The following BECN1 variants were observed in gnomAD, a reference collection of about 807,000 sequenced individuals.
BECN1 encodes beclin-1.
In BECN1, 15 loss-of-function variants were observed where a neutral mutation model predicts 60.1. The ratio of observed to expected loss-of-function variants is 0.25; its 90% CI spans 0.17 to 0.38. BECN1 has a LOEUF of 0.38. Among genes scored for constraint, BECN1 ranks in the 10% least tolerant of loss-of-function variants. The pLI, the probability that BECN1 is intolerant of heterozygous loss-of-function variation, is 1.00. For missense variants in BECN1, 424 were observed against 548.2 expected (o/e 0.77, Z 2.26); for synonymous variants, 179 against 201.8 (o/e 0.89, Z 0.96).
chr17:42,814,168 TTTTG>T (rs1379983376), intron 9 of BECN1, 160 bp from the exon 10 acceptor site: 13 of 554,782 alleles, frequency 2.3e-5, no homozygotes, highest in Non-Finnish European at 4.1e-5. Context: ...GTTTAAAAGA[TTTTG>T]TTTAATGAAC....
intron 8 of BECN1, chr17:42,815,060 A>G (rs759578025): frequency 1.3e-4 from 26 of 201,698 alleles, no homozygotes; most frequent in Non-Finnish European, 2.5e-4. Context: ...GTCATTCCCC[A>G]TGGTGCAGGA....
At chr17:42,817,837 C>T (rs1460316991) in intron 7 of BECN1, among the ~76,000 whole-genome samples, 1 of 152,122 alleles carries the variant, frequency 6.6e-6, no homozygotes, top group Non-Finnish European at 1.5e-5. Flanking sequence ...ATATGAACGA[C>T]CATACCTGGC....
At chr17:42,811,434 C>G (rs769718804) in intron 11 of BECN1, 38 of 469,062 alleles carry the variant, frequency 8.1e-5, no homozygotes, top group Non-Finnish European at 1.3e-4. Context: ...AGAAAACCCC[C>G]TAAACCATCT....
At chr17:42,822,241 A>G (rs929362873) in intron 2 of BECN1, among the ~76,000 whole-genome samples, 1 of 152,210 alleles carries the variant, frequency 6.6e-6, no homozygotes, top group Non-Finnish European at 1.5e-5. Context: ...TCCCCTCAAG[A>G]AAGAGAAACC....
At chr17:42,821,394 C>T (rs1440680274) in intron 2 of BECN1, among the ~76,000 whole-genome samples, 1 of 152,130 alleles carries the variant, frequency 6.6e-6, no homozygotes, top group African/African-American at 2.4e-5. Context: ...GTCAAAAATA[C>T]AGAAATATTT....
At chr17:42,811,825 G>T in intron 10 of BECN1, 28 bp from the exon 11 acceptor site, 1 of 1,600,124 alleles carries the variant, frequency 6.2e-7, no homozygotes, top group South Asian at 1.1e-5. Context: ...ACTGGCTATG[G>T]ATCTGGCACC....
At chr17:42,811,919 T>C (rs762020985) in intron 10 of BECN1, 122 bp from the exon 11 acceptor site, 56 of 1,186,036 alleles carry the variant, frequency 4.7e-5, no homozygotes, top group Non-Finnish European at 5.8e-5. Flanking sequence ...ACTTGTATTG[T>C]AGCTGGACTC....
rs767198200 is a variant in BECN1, at chr17:42,811,790, G to A, written c.1049C>T (p.Pro350Leu). 9 of 1,610,748 alleles carry A rather than the reference G, an allele frequency of 5.6e-6. No individual in the cohort carries two copies. Among genetic ancestry groups the A allele is most frequent in the Admixed American group, 1.7e-5 (1 of 59,002 alleles). ...ESLTDKSKELPLYCSGGLRFF... is the reference protein window; with the variant it reads ...ESLTDKSKELLLYCSGGLRFF... Reference sequence around the variant, plus strand: ...CCGCAACCCCCCAGAACAGTATAACGGCAGCTCCTGCCCAAGAAGAGAAAA... The same window carrying A: ...CCGCAACCCCCCAGAACAGTATAACAGCAGCTCCTGCCCAAGAAGAGAAAA... Residue 350 changes from proline (P) to leucine (L), a missense_variant, in exon 11 of 12, where the codon CCG (proline) becomes CTG (leucine). By Grantham distance (98) the Pro-to-Leu change is moderately conservative. This residue lies in a region of BECN1 where 326 missense variants were observed against 406.2 expected (regional missense o/e 0.80). Transcript: ENST00000590099.
chr17:42,817,303 A>C (rs1406080752), intron 7 of BECN1, among the ~76,000 whole-genome samples: 1 of 152,018 alleles, frequency 6.6e-6, no homozygotes, highest in African/African-American at 2.4e-5. Flanking sequence ...TCTAAAAAAA[A>C]AAAAAACAAA....
At chr17:42,819,718 G>T in intron 3 of BECN1, 109 bp from the exon 4 acceptor site, 1 of 1,101,680 alleles carries the variant, frequency 9.1e-7, no homozygotes, top group Non-Finnish European at 1.3e-6. Context: ...CACAAGACTT[G>T]ATAAACCACA....
intron 1 of BECN1, 96 bp from the exon 2 acceptor site, chr17:42,823,975 G>C (rs771208404): frequency 6.8e-7 from 1 of 1,465,838 alleles, no homozygotes; most frequent in Non-Finnish European, 9.2e-7. Flanking sequence ...GGTAAAGGGA[G>C]GGAAGTCCCA....
chr17:42,810,822 A>C lies in BECN1; in HGVS notation c.1291T>G (p.Phe431Val), dbSNP rs776784418. Residue 431 changes from phenylalanine (F) to valine (V), a missense_variant, in exon 12 of 12, where the codon TTC (phenylalanine) becomes GTC (valine). Around this residue, in one of 3 missense-constraint regions of BECN1, gnomAD observed 326 missense variants for 406.2 expected, o/e 0.80. Transcript: ENST00000590099. ...CCCCACTTAAGATTCGTCAGCATGA[A>C]CTTGAGAGCTTTTGTCCACTGCTCC... ...SEEQWTKALK[F>V]MLTNLKWGLA... The C allele has an allele frequency of 1.2e-6, 2 of 1,613,568 alleles. No homozygotes were observed.
intron 8 of BECN1, chr17:42,815,627 C>T: frequency 2.2e-6 from 1 of 456,506 alleles, no homozygotes; most frequent in Non-Finnish European, 3.9e-6. Context: ...ATTAATGGAA[C>T]ATCAAACACC....
At chr17:42,822,196 C>T (rs755170101) in intron 2 of BECN1, among the ~76,000 whole-genome samples, 2 of 152,086 alleles carry the variant, frequency 1.3e-5, no homozygotes, top group African/African-American at 4.8e-5. Context: ...AGTGAGACTC[C>T]GTCTCAAACA....
intron 11 of BECN1, 76 bp downstream of exon 11, chr17:42,811,579 C>G (rs117018379): frequency 6.5e-7 from 1 of 1,537,322 alleles, no homozygotes; most frequent in Non-Finnish European, 8.8e-7. Context: ...TACTGTTTTG[C>G]CTCCATTATT....
chr17:42,824,228 C>T lies in BECN1; in HGVS notation c.-76G>A, dbSNP rs2055341760. On this transcript the variant is annotated 5_prime_UTR_variant, in exon 1 of 12. Transcript: ENST00000590099. Reference sequence around the variant, plus strand: ...CTGTGGCCTCGGGTCGGCCCCGGAGCGAGGCCTCCAGAACTACCATCGCTC... The same window carrying T: ...CTGTGGCCTCGGGTCGGCCCCGGAGTGAGGCCTCCAGAACTACCATCGCTC... The T allele has an allele frequency of 2.5e-6, 1 of 407,756 alleles. No homozygotes were observed. 25.3% of individuals were successfully genotyped at this position (407,756 alleles called of 1,614,324 possible).
chr17:42,818,347 T>A lies in BECN1; in HGVS notation c.557A>T (p.Glu186Val). ...DSEQLQMELKELALEEERLIQ... is the reference protein window; with the variant it reads ...DSEQLQMELKVLALEEERLIQ... Reference sequence around the variant, plus strand: ...CAGCCTCTCCTCCTCTAGTGCCAGCTCCTTTAGCTCCATCTGTAACTGTTC... The same window carrying A: ...CAGCCTCTCCTCCTCTAGTGCCAGCACCTTTAGCTCCATCTGTAACTGTTC... The change falls in exon 7 of 12, where the codon GAG becomes GTG. Residue 186 changes from glutamate to valine, a missense_variant. Glu to Val is a moderately radical substitution (Grantham distance 121). Transcript: ENST00000590099. 6.2e-7 allele frequency: 1 copy of A among 1,614,212 alleles called. No homozygotes were observed. The highest frequency in any genetic ancestry group is 8.5e-7 in the Non-Finnish European group (1 of 1,180,028).
In BECN1 at chr17:42,820,785, T is replaced by G; in HGVS notation, c.187A>C (p.Asn63His). Residue 63 changes from asparagine (N) to histidine (H), a missense_variant, in exon 3 of 12, where the codon AAC becomes CAC. By Grantham distance (68) the Asn-to-His change is moderately conservative. This residue lies in a region of BECN1 where 96 missense variants were observed against 125.6 expected (regional missense o/e 0.76). Transcript: ENST00000590099. ...KPGETQEEETNSGEEPFIETP... is the reference protein window; with the variant it reads ...KPGETQEEETHSGEEPFIETP... The stretch of plus-strand genomic sequence containing the variant: ...GGCACTTCTATTACCTCTCCTGAGT[T>G]AGTCTCTTCCTCCTGGGTCTCTCCT... The G allele has an allele frequency of 6.3e-7, 1 of 1,591,566 alleles. No individual in the cohort carries two copies. The highest frequency in any genetic ancestry group is 8.6e-7 in the Non-Finnish European group (1 of 1,167,600).
Position 42,818,366 on chromosome 17 carries a change from A to T in BECN1, c.538T>A (p.Leu180Ile). 1 of 1,614,132 alleles carries T rather than the reference A, an allele frequency of 6.2e-7. No individual in the cohort carries two copies. Among genetic ancestry groups the T allele is most frequent in the Non-Finnish European group, 8.5e-7 (1 of 1,180,010 alleles). ...GCCAGCTCCTTTAGCTCCATCTGTA[A>T]CTGTTCACTGTCATCCTCATTCATT... ...EQMNEDDSEQ[L>I]QMELKELALE... The change falls in exon 7 of 12, where the codon TTA becomes ATA. Residue 180 changes from leucine (L) to isoleucine (I), a missense_variant. Physicochemically the swap from Leu to Ile is conservative, Grantham distance 5 (BLOSUM62 2). Coordinates refer to ENST00000590099, the MANE Select transcript of BECN1 (RefSeq NM_001313998.2).
Sources: allele counts gnomAD v4.1 joint callset (sites outside exome capture counted in the v4.1 genomes callset), GRCh38; gene constraint gnomAD v4.1.1; regional missense constraint gnomAD v4.1.1; transcripts MANE v1.5; gene names NCBI Gene and HGNC (gene_info 2026-07-23, HGNC 2026-07-21).